RGL1: variants seen among roughly 807,000 people sequenced by gnomAD.
RGL1 encodes ral guanine nucleotide dissociation stimulator like 1, also known as ral guanine nucleotide dissociation stimulator-like 1.
RGL1 carries 24 observed loss-of-function variants against 95.2 expected under a neutral mutation model. The ratio of observed to expected loss-of-function variants is 0.25; its 90% confidence interval spans 0.18 to 0.35. The LOEUF (loss-of-function observed/expected upper bound fraction) is 0.35. Ranked by LOEUF, RGL1 falls within the 10% of genes least tolerant of loss-of-function variation. The pLI, the probability that RGL1 is intolerant of heterozygous loss-of-function variation, is 1.00. For missense variants in RGL1, 715 were observed against 936.3 expected (o/e 0.76, Z 3.08); for synonymous variants, 329 against 344.9 (o/e 0.95, Z 0.51).
chr1:183,702,879 G>T (rs1478464587), intron 1 of RGL1, among the ~76,000 whole-genome samples: 2 of 152,240 alleles, frequency 1.3e-5, no homozygotes, highest in Non-Finnish European at 2.9e-5. Flanking sequence ...CAGACGGGCT[G>T]AGGCTTAAAA....
intron 2 of RGL1, among the ~76,000 whole-genome samples, chr1:183,808,684 G>C (rs1463387737): frequency 6.6e-6 from 1 of 152,042 alleles, no homozygotes; most frequent in Non-Finnish European, 1.5e-5. Context: ...CTAGAGAGTG[G>C]GGTCAGGTGA....
chr1:183,730,406 C>T (rs1656562258), intron 1 of RGL1, among the ~76,000 whole-genome samples: 1 of 152,128 alleles, frequency 6.6e-6, no homozygotes, highest in Non-Finnish European at 1.5e-5. Context: ...TTTCAGAGGA[C>T]CACAAAACTC....
chr1:183,925,881 G>A lies in RGL1; in HGVS notation c.2120-224G>A, dbSNP rs555617527. On this transcript the variant is annotated intron_variant, in intron 17 of 17. Transcript: ENST00000360851. ...TCTATTGGAACATTTAATTCATGGAGCGAATTTCTAAAATCTCATTTGTAC... is the reference window on the plus strand; with the variant it reads ...TCTATTGGAACATTTAATTCATGGAACGAATTTCTAAAATCTCATTTGTAC... 2.0e-5 allele frequency among the ~76,000 whole-genome samples: 3 copies of A among 152,222 alleles called. No individual in the cohort carries two copies. In the East Asian group the frequency reaches 5.8e-4, roughly 29 times the overall value.
At chr1:183,641,837 ATTTG>A (rs1220368510) in intron 1 of RGL1, among the ~76,000 whole-genome samples, 1 of 152,040 alleles carries the variant, frequency 6.6e-6, no homozygotes, top group Non-Finnish European at 1.5e-5. Context: ...ATGATTATTG[ATTTG>A]TTTGATTGTC....
rs528283128 is a variant in RGL1 at position 183,751,473 on chromosome 1, T to C, written c.132+9184T>C. Among the ~76,000 whole-genome samples, 7 of 152,290 alleles carry C rather than the reference T, an allele frequency of 4.6e-5. No homozygotes were observed. The South Asian group carries it at 1.0e-3, about 23-fold the overall frequency. On this transcript the variant is annotated intron_variant, in intron 2 of 18. Coordinates refer to the RGL1 transcript ENST00000304685. ...GTGATAATTTCAAGCCAGTGGATCT[T>C]AGCTTGCTGGGGTCTGTAGGGGTTT...
At chr1:183,814,486 A>G (rs1240234218) in intron 2 of RGL1, among the ~76,000 whole-genome samples, 1 of 152,150 alleles carries the variant, frequency 6.6e-6, no homozygotes, top group Non-Finnish European at 1.5e-5. Flanking sequence ...TGCTTATGCC[A>G]TCTGTGGTCC....
chr1:183,803,884 C>G (rs1303619416), upstream of RGL1, among the ~76,000 whole-genome samples: 1 of 152,158 alleles, frequency 6.6e-6, no homozygotes, highest in Non-Finnish European at 1.5e-5. Context: ...AGGATTTAGT[C>G]TATGTGTTTT....
intron 14 of RGL1, among the ~76,000 whole-genome samples, chr1:183,909,597 G>A (rs1668530939): frequency 6.6e-6 from 1 of 152,126 alleles, no homozygotes; most frequent in Non-Finnish European, 1.5e-5. Context: ...GTCATAAAAG[G>A]AAGACAGGGA....
intron 1 of RGL1, among the ~76,000 whole-genome samples, chr1:183,663,407 T>C (rs1651790626): frequency 6.9e-6 from 1 of 145,248 alleles, no homozygotes; most frequent in South Asian, 2.1e-4. Flanking sequence ...ACGAAGGATA[T>C]GAGCATACAC....
chr1:183,848,691 C>G (rs1349697299), intron 3 of RGL1, among the ~76,000 whole-genome samples: 1 of 152,038 alleles, frequency 6.6e-6, no homozygotes, highest in Admixed American at 6.6e-5. Context: ...CCCCAAATAA[C>G]ATTTATTAGA....
At chr1:183,786,984 A>C (rs147736597) in intron 2 of RGL1, among the ~76,000 whole-genome samples, 131 of 152,366 alleles carry the variant, frequency 8.6e-4, no homozygotes, top group African/African-American at 3.1e-3. Flanking sequence ...GGTGATAAAC[A>C]TGCTGTAGTG....
chr1:183,807,558 C>T (rs920174893), intron 2 of RGL1, among the ~76,000 whole-genome samples: 1 of 152,170 alleles, frequency 6.6e-6, no homozygotes, highest in Non-Finnish European at 1.5e-5. Flanking sequence ...ACTTGTAACT[C>T]CAGGGAGTTT....
At chr1:183,730,286 A>G (rs751926519) in intron 1 of RGL1, among the ~76,000 whole-genome samples, 19 of 152,118 alleles carry the variant, frequency 1.2e-4, no homozygotes, top group Admixed American at 3.3e-4. Flanking sequence ...AATACAAAGC[A>G]ACTTCCCACT....
chr1:183,916,746 G>T (rs769319440), intron 16 of RGL1, 45 bp downstream of exon 16: 2 of 1,589,930 alleles, frequency 1.3e-6, no homozygotes, highest in Non-Finnish European at 1.7e-6. Flanking sequence ...CATTTAGATT[G>T]TGTGTCTGTG....
chr1:183,863,731 A>G (rs1479741185), intron 3 of RGL1, among the ~76,000 whole-genome samples: 1 of 152,174 alleles, frequency 6.6e-6, no homozygotes, highest in African/African-American at 2.4e-5. Flanking sequence ...AAGAGTTAGT[A>G]TGTCTGCAAG....
chr1:183,793,891 C>G (rs1660558495), intron 2 of RGL1, among the ~76,000 whole-genome samples: 1 of 152,066 alleles, frequency 6.6e-6, no homozygotes, highest in African/African-American at 2.4e-5. Flanking sequence ...AGCAATGTCA[C>G]TACTGGGTAT....
At chr1:183,642,294 G>A (rs541054938) in intron 1 of RGL1, among the ~76,000 whole-genome samples, 1 of 152,230 alleles carries the variant, frequency 6.6e-6, no homozygotes, top group Non-Finnish European at 1.5e-5. Context: ...TCCCAGAGTA[G>A]CTCTATAGCC....
At chr1:183,756,373 ATGTCC>A (rs1658341264) in intron 2 of RGL1, among the ~76,000 whole-genome samples, 1 of 152,198 alleles carries the variant, frequency 6.6e-6, no homozygotes, top group Admixed American at 6.5e-5. Context: ...GTTAGAGAGA[ATGTCC>A]TACCATTTAG....
At chr1:183,920,344 T>G (rs563347120) in intron 16 of RGL1, among the ~76,000 whole-genome samples, 2 of 152,300 alleles carry the variant, frequency 1.3e-5, no homozygotes, top group East Asian at 3.9e-4. Flanking sequence ...CCTAAAAACT[T>G]TTTAATTGTG....
Sources: allele counts gnomAD v4.1 joint callset (sites outside exome capture counted in the v4.1 genomes callset), GRCh38; gene constraint gnomAD v4.1.1; transcripts MANE v1.5; gene names NCBI Gene and HGNC (gene_info 2026-07-23, HGNC 2026-07-21).